ENPP3: variants seen among roughly 807,000 people sequenced by gnomAD.
ENPP3 encodes ectonucleotide pyrophosphatase/phosphodiesterase 3, also known as ectonucleotide pyrophosphatase/phosphodiesterase family member 3.
Under a neutral mutation model 117.8 loss-of-function variants are expected in ENPP3, and 104 were observed. That is an observed-to-expected ratio of 0.88 (90% CI 0.75 to 1.04). ENPP3 has a LOEUF of 1.04. ENPP3 is among the 50% of genes least tolerant of loss of function. ENPP3 has a pLI of 0.00. For synonymous variants in ENPP3, 380 were observed against 349.9 expected (o/e 1.09, Z -0.96); for missense variants, 1,026 against 1,051.9 (o/e 0.98, Z 0.34).
chr6:131,678,937 C>CTTTCTTTCTT (rs1562446492), intron 11 of ENPP3, among the ~76,000 whole-genome samples: 4 of 88,050 alleles, frequency 4.5e-5, no homozygotes, highest in Non-Finnish European at 7.9e-5. Flanking sequence ...TTCTTTCTTT[C>CTTTCTTTCTT]TTTCTTTCTT....
intron 21 of ENPP3, among the ~76,000 whole-genome samples, chr6:131,735,063 G>A (rs771390957): frequency 7.9e-5 from 12 of 151,452 alleles, no homozygotes; most frequent in Admixed American, 2.0e-4. Context: ...TTAAGGATAC[G>A]GCCAGACACG....
Position 131,688,915 on chromosome 6 carries a change from A to T in ENPP3, c.1284+3008A>T, listed in dbSNP as rs1025427049. On this transcript the variant is annotated intron_variant, in intron 14 of 24. Transcript: ENST00000357639. ...AAAATCCAAAAAAAAAAAAAAAAAA[A>T]AATAGCCAGGCGTGGTTTTGGGCAC... Among the ~76,000 whole-genome samples the T allele has an allele frequency of 4.5e-4, 68 of 151,586 alleles. 1 individual carries two copies. Among genetic ancestry groups the T allele is most frequent in the African/African-American group, 1.6e-3 (67 of 41,300 alleles).
At position 131,726,118 on chromosome 6, in the gene ENPP3, T is replaced by A. The variant is rs1187727312; in HGVS notation, c.1871T>A (p.Leu624His). The A allele has an allele frequency of 6.2e-7, 1 of 1,613,566 alleles. No homozygotes were observed. The highest frequency in any genetic ancestry group is 1.3e-5 in the African/African-American group (1 of 75,034). The change falls in exon 20 of 25, where the codon CTC (leucine) becomes CAC (histidine). Residue 624 changes from leucine to histidine, a missense_variant. Leu to His is a moderately conservative substitution (Grantham distance 99, BLOSUM62 -3). Transcript: ENST00000357639. ...RVLQKNVDHC[L>H]LYHREYVSGF... is the part of the protein sequence containing the mutation. ...CTGCAGAAGAACGTGGACCACTGTC[T>A]CCTTTACCACAGGGAATATGTCAGT...
In ENPP3 at chr6:131,671,293, C is replaced by T. The variant is rs754245072; in HGVS notation, c.608C>T (p.Thr203Ile). The T allele has an allele frequency of 2.5e-6, 4 of 1,607,178 alleles. No homozygotes were observed. Among genetic ancestry groups the T allele is most frequent in the African/African-American group, 1.3e-5 (1 of 74,936 alleles). Residue 203 changes from threonine to isoleucine, a missense_variant, in exon 7 of 25, where the codon ACC becomes ATC. Coordinates refer to ENST00000357639, the MANE Select transcript of ENPP3 (RefSeq NM_005021.5). The part of the protein sequence containing the change: ...HSKYMRAMYP[T>I]KTFPNHYTIV... ...AAATACATGAGAGCTATGTATCCTA[C>T]CAAAACCTTCCCAAATCATTACACC... is the stretch of plus-strand genomic sequence containing the variant.
At chr6:131,649,497 C>A (rs775153756) in intron 2 of ENPP3, among the ~76,000 whole-genome samples, 1 of 152,108 alleles carries the variant, frequency 6.6e-6, no homozygotes, top group Non-Finnish European at 1.5e-5. Flanking sequence ...AATCCCCTTG[C>A]TAGTTTTTGT....
At chr6:131,746,656 G>C in intron 24 of ENPP3, 130 bp from the exon 25 acceptor site, 1 of 671,098 alleles carries the variant, frequency 1.5e-6, no homozygotes, top group Admixed American at 3.2e-5. Flanking sequence ...ACTAAATTTA[G>C]CTGTATCAAA....
In ENPP3 at chr6:131,690,265, G is replaced by A. The variant is rs189890581; in HGVS notation, c.1285-3232G>A. Among the ~76,000 whole-genome samples, 50 of 152,320 alleles carry A rather than the reference G, an allele frequency of 3.3e-4. 1 individual carries two copies. Among genetic ancestry groups the A allele is most frequent in the Admixed American group, 3.3e-3 (50 of 15,294 alleles). On this transcript the variant is annotated intron_variant, in intron 14 of 24. Transcript: ENST00000357639. Reference sequence around the variant, plus strand: ...TTCGGATGCTACAGAGAAATACTTTGTGAAAGGCAGGGTCCACTGATGCAG... The same window carrying A: ...TTCGGATGCTACAGAGAAATACTTTATGAAAGGCAGGGTCCACTGATGCAG...
chr6:131,722,223 A>C lies in ENPP3; in HGVS notation c.1568-4A>C, dbSNP rs747865630. 3.7e-6 allele frequency: 6 copies of C among 1,604,406 alleles called. No individual in the cohort carries two copies. In the Admixed American group the frequency reaches 1.0e-4, roughly 28 times the overall value. On this transcript the variant is annotated splice_polypyrimidine_tract_variant and splice_region_variant and intron_variant, in intron 17 of 24. Coordinates refer to ENST00000357639, the MANE Select transcript of ENPP3 (RefSeq NM_005021.5). Reference sequence around the variant, plus strand: ...TACTTTGAACTAATTTTTTCAAAAAACAGATCTTCTACGCATTCAACCAGC... The same window carrying C: ...TACTTTGAACTAATTTTTTCAAAAACCAGATCTTCTACGCATTCAACCAGC...
At chr6:131,694,991 C>CT (rs1779373337) in intron 15 of ENPP3, among the ~76,000 whole-genome samples, 1 of 138,870 alleles carries the variant, frequency 7.2e-6, no homozygotes. Context: ...CTGGAAACCC[C>CT]TGTTGGGCCT....
chr6:131,702,438 A>G (rs1169667211), intron 15 of ENPP3, among the ~76,000 whole-genome samples: 1 of 152,102 alleles, frequency 6.6e-6, no homozygotes, highest in Non-Finnish European at 1.5e-5. Context: ...TTTGTTATTT[A>G]CTTTCCCACA....
At chr6:131,673,665 C>T (rs1165290260) in intron 7 of ENPP3, among the ~76,000 whole-genome samples, 1 of 151,012 alleles carries the variant, frequency 6.6e-6, no homozygotes, top group Non-Finnish European at 1.5e-5. Context: ...TACCCCCAAA[C>T]CTAAAATAAA....
chr6:131,710,048 A>G (rs1412909322), intron 15 of ENPP3: 1 of 1,612,488 alleles, frequency 6.2e-7, no homozygotes, highest in Non-Finnish European at 8.5e-7. Flanking sequence ...GAAACATTTA[A>G]CTTAGCAGCA....
In ENPP3 at chr6:131,674,181, A is replaced by G. The variant is rs200901840; in HGVS notation, c.662A>G (p.His221Arg). 13 of 1,553,126 alleles carry G rather than the reference A, an allele frequency of 8.4e-6. No individual in the cohort carries two copies. In the Admixed American group the frequency reaches 1.8e-4, roughly 22 times the overall value. ...TTTTAGGGCTTGTATCCAGAGTCAC[A>G]TGGCATCATTGACAATAATATGTAT... ...TIVTGLYPES[H>R]GIIDNNMYDV... Residue 221 changes from histidine (H) to arginine (R), a missense_variant, in exon 8 of 25, where the codon CAT becomes CGT. Physicochemically the swap from His to Arg is conservative, Grantham distance 29 (BLOSUM62 0). Transcript: ENST00000357639.
At chr6:131,660,401 G>C (rs543618263) in intron 6 of ENPP3, among the ~76,000 whole-genome samples, 1 of 152,328 alleles carries the variant, frequency 6.6e-6, no homozygotes. Context: ...GGACGAGGAA[G>C]TGGCTCTCTG....
chr6:131,648,911 A>G (rs1245682457), intron 2 of ENPP3, among the ~76,000 whole-genome samples: 1 of 152,150 alleles, frequency 6.6e-6, no homozygotes, highest in Non-Finnish European at 1.5e-5. Context: ...TCTTTAGTTT[A>G]TGTCTCTCTT....
chr6:131,691,681 G>T (rs557170187), intron 14 of ENPP3, among the ~76,000 whole-genome samples: 1 of 151,896 alleles, frequency 6.6e-6, no homozygotes, highest in Non-Finnish European at 1.5e-5. Context: ...AAGAATCACC[G>T]GTACTTCTTC....
At chr6:131,641,914 C>T (rs534054099) in intron 2 of ENPP3, among the ~76,000 whole-genome samples, 104 of 147,438 alleles carry the variant, frequency 7.1e-4, no homozygotes, top group African/African-American at 2.4e-3. Flanking sequence ...CATACTTGAG[C>T]CTCCCAAGTA....
At chr6:131,719,490 G>A (rs1424597467) in intron 16 of ENPP3, among the ~76,000 whole-genome samples, 1 of 150,772 alleles carries the variant, frequency 6.6e-6, no homozygotes, top group Non-Finnish European at 1.5e-5. Context: ...TTATAACATT[G>A]TCATGGTGAG....
intron 14 of ENPP3, among the ~76,000 whole-genome samples, chr6:131,689,000 A>G (rs62423413): frequency 0.1 from 15,447 of 151,682 alleles, 1,879 homozygotes; most frequent in African/African-American, 0.29. Flanking sequence ...CGGAAGGCGG[A>G]GGTTGCAGTG....
Sources: allele counts gnomAD v4.1 joint callset (sites outside exome capture counted in the v4.1 genomes callset), GRCh38; gene constraint gnomAD v4.1.1; transcripts MANE v1.5; gene names NCBI Gene and HGNC (gene_info 2026-07-23, HGNC 2026-07-21).